The following NMBR variants were observed in gnomAD, a reference collection of about 807,000 sequenced individuals.
NMBR encodes the protein neuromedin B receptor.
In NMBR, 16 loss-of-function variants were observed where a neutral mutation model predicts 20.5. The observed-to-expected ratio is 0.78, with a 90% CI of 0.53 to 1.19. The LOEUF (loss-of-function observed/expected upper bound fraction) is 1.19. Ranked by LOEUF, NMBR falls within the 50% of genes most tolerant of loss-of-function variation. NMBR has a pLI of 0.00. For synonymous variants in NMBR, 212 were observed against 196.6 expected, an observed-to-expected ratio of 1.08 and a Z score of -0.65; for missense variants, 582 against 499.1, an observed-to-expected ratio of 1.17 and a Z score of -1.58.
intron 1 of NMBR, among the ~76,000 whole-genome samples, chr6:142,120,590 C>G (rs977665501): frequency 1.3e-5 from 2 of 151,850 alleles, no homozygotes; most frequent in African/African-American, 2.4e-5. Flanking sequence ...GAAATACAAA[C>G]AGGGCTGAAA....
chr6:142,123,623 G>A (rs1393962586), intron 1 of NMBR, among the ~76,000 whole-genome samples: 1 of 151,870 alleles, frequency 6.6e-6, no homozygotes, highest in Non-Finnish European at 1.5e-5. Context: ...ACCTTCAGCA[G>A]CCAACATCCC....
intron 1 of NMBR, among the ~76,000 whole-genome samples, chr6:142,097,521 C>T (rs1471269665): frequency 6.6e-6 from 1 of 152,002 alleles, no homozygotes; most frequent in South Asian, 2.1e-4. Context: ...GAAAATGCTC[C>T]TCGACTTAGG....
intron 1 of NMBR, among the ~76,000 whole-genome samples, chr6:142,117,845 A>C (rs1043066780): frequency 1.3e-5 from 2 of 151,958 alleles, no homozygotes; most frequent in African/African-American, 4.8e-5. Context: ...TCTCACACTA[A>C]AGTACACAAC....
At chr6:142,097,588 A>G (rs887434404) in intron 1 of NMBR, among the ~76,000 whole-genome samples, 2 of 152,138 alleles carry the variant, frequency 1.3e-5, no homozygotes, top group Admixed American at 6.6e-5. Flanking sequence ...AAGTTGCACT[A>G]TTGTAAACTG....
chr6:142,093,796 A>T (rs1051690820), intron 1 of NMBR, among the ~76,000 whole-genome samples: 31 of 152,074 alleles, frequency 2.0e-4, no homozygotes, highest in African/African-American at 6.5e-4. Context: ...CTATTTTTCC[A>T]CATCCTCTCC....
At chr6:142,133,790 T>A (rs1002771915) in intron 1 of NMBR, 22 of 550,670 alleles carry the variant, frequency 4.0e-5, no homozygotes, top group Non-Finnish European at 4.6e-5. Flanking sequence ...AGGATTTTTT[T>A]AAATGTCCTC....
At chr6:142,133,719 T>C in intron 1 of NMBR, 1 of 486,314 alleles carries the variant, frequency 2.1e-6, no homozygotes, top group Non-Finnish European at 3.6e-6. Flanking sequence ...GATTTGATGA[T>C]CTCTAAGGGT....
intron 1 of NMBR, among the ~76,000 whole-genome samples, chr6:142,115,605 C>T (rs1329902095): frequency 1.6e-5 from 2 of 126,498 alleles, no homozygotes; most frequent in African/African-American, 2.7e-5. Flanking sequence ...AATGGAGAAA[C>T]TTTTAAGGCT....
At position 142,078,980 on chromosome 6, in the gene NMBR, G is replaced by T. The variant is rs988339356; in HGVS notation, c.423-77C>A. On this transcript the variant is annotated intron_variant, in intron 2 of 3. Coordinates refer to ENST00000258042, the MANE Select transcript of NMBR (RefSeq NM_002511.4). ...GAGAAAGAAAAGAAAGAAAGAAAAA[G>T]AAAGGAAGAAAGGGAGAGAGAGAGA... The T allele has an allele frequency of 6.7e-6, 6 of 891,494 alleles. No homozygotes were observed. In the South Asian group the frequency reaches 1.5e-4, roughly 22 times the overall value. The allele number at this position is 891,494 out of a possible 1,614,324, so 55.2% of individuals were successfully genotyped here. A position where few individuals can be genotyped will look rare whatever the true frequency, so the allele number is the denominator to read the frequency against.
intron 1 of NMBR, chr6:142,134,542 T>A: frequency 5.4e-6 from 3 of 552,338 alleles, no homozygotes; most frequent in Non-Finnish European, 9.5e-6. Context: ...GTTCTAGGCA[T>A]TACAACTAGT....
At chr6:142,133,358 G>A (rs980797511) in intron 1 of NMBR, among the ~76,000 whole-genome samples, 2 of 152,098 alleles carry the variant, frequency 1.3e-5, no homozygotes, top group African/African-American at 2.4e-5. Flanking sequence ...ACTATAAAGA[G>A]AAAAATTCAG....
chr6:142,106,986 C>G (rs1003184143), intron 1 of NMBR, among the ~76,000 whole-genome samples: 2 of 152,124 alleles, frequency 1.3e-5, no homozygotes, highest in African/African-American at 4.8e-5. Context: ...TCAAGATTGC[C>G]AGTTAAATTC....
rs542122339 is a variant in NMBR, at chr6:142,093,324, C to T, written c.-663-4003G>A. ...CCCCTCCCCCCACCCCACAACAGTCCCTGGTGTGTGATGTTCCCCTTCCTG... is the reference window on the plus strand; with the variant it reads ...CCCCTCCCCCCACCCCACAACAGTCTCTGGTGTGTGATGTTCCCCTTCCTG... On this transcript the variant is annotated intron_variant, in intron 1 of 3. Coordinates refer to ENST00000258042, the MANE Select transcript of NMBR (RefSeq NM_002511.4). Among the ~76,000 whole-genome samples the T allele has an allele frequency of 3.3e-3, 395 of 120,610 alleles. 1 individual carries two copies. Among genetic ancestry groups the T allele is most frequent in the Non-Finnish European group, 5.0e-3 (298 of 59,598 alleles). The allele number at this position is 120,610 out of a possible 152,430, so 79.1% of individuals were successfully genotyped here.
chr6:142,085,107 C>T (rs1777174318), intron 2 of NMBR, among the ~76,000 whole-genome samples: 1 of 152,154 alleles, frequency 6.6e-6, no homozygotes, highest in Admixed American at 6.5e-5. Flanking sequence ...ACTGTCTCTC[C>T]TCCAGCCATA....
At chr6:142,105,747 C>T (rs1279138201) in intron 1 of NMBR, among the ~76,000 whole-genome samples, 1 of 151,978 alleles carries the variant, frequency 6.6e-6, no homozygotes, top group Non-Finnish European at 1.5e-5. Context: ...TTTTAGTAAT[C>T]CCAATTTGTA....
At chr6:142,132,739 T>G (rs1021369510) in intron 1 of NMBR, among the ~76,000 whole-genome samples, 2 of 152,164 alleles carry the variant, frequency 1.3e-5, no homozygotes, top group African/African-American at 2.4e-5. Flanking sequence ...TACTTCAACA[T>G]TATCAGAGAA....
At chr6:142,080,474 C>G (rs182339590) in intron 2 of NMBR, among the ~76,000 whole-genome samples, 9 of 151,966 alleles carry the variant, frequency 5.9e-5, no homozygotes, top group Admixed American at 5.2e-4. Context: ...CCAAGCCTAG[C>G]TAATTTTTGT....
At chr6:142,125,948 C>A (rs79756059) in intron 1 of NMBR, among the ~76,000 whole-genome samples, 1 of 151,112 alleles carries the variant, frequency 6.6e-6, no homozygotes, top group Non-Finnish European at 1.5e-5. Flanking sequence ...GTATACAATA[C>A]GGTATTGTTA....
chr6:142,133,289 C>T, intron 1 of NMBR: 1 of 518,342 alleles, frequency 1.9e-6, no homozygotes, highest in Non-Finnish European at 3.5e-6. Context: ...AAATTCTCTA[C>T]ATCTATGGAG....
Sources: gnomAD v4.1 joint callset for allele counts (sites outside exome capture counted in the v4.1 genomes callset) on GRCh38, gnomAD v4.1.1 for gene constraint, MANE v1.5 for transcripts, NCBI Gene and HGNC (gene_info 2026-07-23, HGNC 2026-07-21) for gene names.